SCARF2: variants seen among roughly 807,000 people sequenced by gnomAD.
SCARF2 encodes the protein scavenger receptor class F member 2.
Under a neutral mutation model 73.4 loss-of-function variants are expected in SCARF2, and 39 were observed. The observed-to-expected ratio is 0.53, with a 90% confidence interval of 0.41 to 0.69. SCARF2 has a LOEUF of 0.69. SCARF2 is among the 30% of genes least tolerant of loss of function. The probability of loss-of-function intolerance (pLI) is 0.00; values close to 1 mark genes in which losing one functional copy is unlikely to be tolerated. For synonymous variants in SCARF2, 605 were observed against 590.0 expected (o/e 1.03, Z -0.37); for missense variants, 1,148 against 1,303.5 (o/e 0.88, Z 1.84).
rs2052647094 is a variant in SCARF2 at position 20,431,484 on chromosome 22, G to T, written c.388C>A (p.Pro130Thr). Residue 130 changes from proline to threonine, a missense_variant, in exon 4 of 11, where the codon CCA becomes ACA. Pro to Thr is a conservative substitution (Grantham distance 38). Transcript: ENST00000622235. ...PDCKELCSCHPHGQCEDVTGQ... is the reference protein window; with the variant it reads ...PDCKELCSCHTHGQCEDVTGQ... ...GTCACGTCCTCGCACTGCCCGTGTGGGTGGCAGCTACACAGCTCCTTGCAG... is the reference window on the plus strand; with the variant it reads ...GTCACGTCCTCGCACTGCCCGTGTGTGTGGCAGCTACACAGCTCCTTGCAG... 2 of 1,573,840 alleles carry T rather than the reference G, an allele frequency of 1.3e-6. No homozygotes were observed. The highest frequency in any genetic ancestry group is 1.7e-6 in the Non-Finnish European group (2 of 1,168,550).
In SCARF2 at chr22:20,437,600, T is replaced by A. The variant is rs766883474; in HGVS notation, c.155A>T (p.Asn52Ile). 1 of 1,573,364 alleles carries A rather than the reference T, an allele frequency of 6.4e-7. No individual in the cohort carries two copies. Among genetic ancestry groups the A allele is most frequent in the Admixed American group, 1.7e-5 (1 of 57,334 alleles). The change falls in exon 1 of 11, where the codon AAC becomes ATC. Residue 52 changes from asparagine (N) to isoleucine (I), a missense_variant. Coordinates refer to ENST00000622235, the MANE Select transcript of SCARF2 (RefSeq NM_182895.5). ...CTCCTACCCGGGAGCACGGCACACG[T>A]TGCGGCCGCGAGGGTTCAGTTCCTG... Reference protein sequence around the residue: ...APQELNPRGRNVCRAPGSQVP... With the variant: ...APQELNPRGRIVCRAPGSQVP...
chr22:20,429,211 G>T lies in SCARF2; in HGVS notation c.1540+14C>A. ...GAGGTGTTTCTCCCAGATACCCCGC[G>T]CTGTCATCCTTACCTACGACTTTGG... is the stretch of plus-strand genomic sequence containing the variant. On this transcript the variant is annotated intron_variant, in intron 9 of 10. Coordinates refer to ENST00000622235, the MANE Select transcript of SCARF2 (RefSeq NM_182895.5). The surrounding 1 kb of genome is among the most constrained non-coding windows in gnomAD (Gnocchi z 5.2). 6.2e-7 allele frequency: 1 copy of T among 1,613,966 alleles called. No individual in the cohort carries two copies. The highest frequency in any genetic ancestry group is 8.5e-7 in the Non-Finnish European group (1 of 1,180,006).
Position 20,431,261 on chromosome 22 carries a change from G to A in SCARF2, c.611C>T (p.Ala204Val), listed in dbSNP as rs1189078292. Residue 204 changes from alanine to valine, a missense_variant, in exon 4 of 11, where the codon GCA becomes GTA. Around this residue, in one of 5 missense-constraint regions of SCARF2, gnomAD observed 372 missense variants for 532.0 expected, o/e 0.70. Coordinates refer to ENST00000622235, the MANE Select transcript of SCARF2 (RefSeq NM_182895.5). ...DPQTGACLCH[A>V]GWWGRSCNNQ... The stretch of plus-strand genomic sequence containing the variant: ...GTTGCAGCTGCGGCCCCACCAGCCT[G>A]CGTGGCACAGGCAGGCGCCGGTCTG... The A allele has an allele frequency of 2.6e-6, 4 of 1,547,258 alleles. No individual in the cohort carries two copies. The highest frequency in any genetic ancestry group is 3.5e-6 in the Non-Finnish European group (4 of 1,154,756).
intron 10 of SCARF2, among the ~76,000 whole-genome samples, chr22:20,427,061 A>G (rs147438789): frequency 6.6e-6 from 1 of 152,200 alleles, no homozygotes; most frequent in African/African-American, 2.4e-5. Context: ...TCTGTGGATC[A>G]AAGGCTGTGT....
rs757621917 is a variant in SCARF2, at chr22:20,429,275, A to G, written c.1490T>C (p.Met497Thr). 8.1e-6 allele frequency: 13 copies of G among 1,609,414 alleles called. No individual in the cohort carries two copies. In the Admixed American group the frequency reaches 1.5e-4, roughly 19 times the overall value. Reference sequence around the variant, plus strand: ...CCGGAGCGGGATCCGGGGCAGCTTCATGCTGATGCGACTGAAGCGCCCGCA... The same window carrying G: ...CCGGAGCGGGATCCGGGGCAGCTTCGTGCTGATGCGACTGAAGCGCCCGCA... Reference protein sequence around the residue: ...RLCGRFSRISMKLPRIPLRRQ... With the variant: ...RLCGRFSRISTKLPRIPLRRQ... Residue 497 changes from methionine to threonine, a missense_variant, in exon 9 of 11, where the codon ATG becomes ACG. Transcript: ENST00000622235. The surrounding 1 kb of genome is among the most constrained non-coding windows in gnomAD (Gnocchi z 5.2).
intron 9 of SCARF2, among the ~76,000 whole-genome samples, chr22:20,428,396 C>G (rs1292486830): frequency 6.6e-6 from 1 of 150,502 alleles, no homozygotes; most frequent in Non-Finnish European, 1.5e-5. Context: ...CCTCTGCCTC[C>G]CAGGTTCAAG....
chr22:20,430,985 C>T (rs1346692875), intron 4 of SCARF2, 33 bp downstream of exon 4: 1 of 1,569,132 alleles, frequency 6.4e-7, no homozygotes, highest in Non-Finnish European at 8.6e-7. Flanking sequence ...GCCCTTCCAC[C>T]TCCTCCCTCC....
At chr22:20,436,380 C>A (rs1197465246) in intron 1 of SCARF2, among the ~76,000 whole-genome samples, 2 of 152,140 alleles carry the variant, frequency 1.3e-5, no homozygotes, top group Non-Finnish European at 2.9e-5. Context: ...CCTCTCCAGG[C>A]ACCGCCCCGC....
intron 1 of SCARF2, among the ~76,000 whole-genome samples, chr22:20,436,478 G>A (rs563996735): frequency 6.3e-4 from 96 of 152,144 alleles, no homozygotes; most frequent in African/African-American, 2.2e-3. Context: ...GGGCCAGGCC[G>A]GCCCCCGCCC....
chr22:20,425,247 C>A lies in SCARF2; in HGVS notation c.*128G>T. 1 of 773,564 alleles carries A rather than the reference C, an allele frequency of 1.3e-6. No homozygotes were observed. The highest frequency in any genetic ancestry group is 1.8e-6 in the Non-Finnish European group (1 of 553,504). The allele number at this position is 773,564 out of a possible 1,614,324, so 47.9% of individuals were successfully genotyped here. A position where few individuals can be genotyped will look rare whatever the true frequency, so the allele number is the denominator to read the frequency against. On this transcript the variant is annotated 3_prime_UTR_variant, in exon 11 of 11. Transcript: ENST00000622235. This position sits in a 1 kb window ranked among gnomAD's most constrained non-coding sequence, Gnocchi z 4.6. ...GGCTGCAGGACCTGAGCCAATGAGA[C>A]GCAACCTCCGCTAGCCGCGCGGTGC...
At position 20,430,695 on chromosome 22, in the gene SCARF2, G is replaced by A; in HGVS notation, c.1068C>T (p.Gly356=). The change falls in exon 5 of 11, where the codon GGC becomes GGT. Residue 356 remains glycine (G), a synonymous_variant. Transcript: ENST00000622235. ...KCTRCNAGWI[G]DRCETKCSNG... ...ACGCAGGCAGGGCTGCTCACCGGTC[G>A]CCGATCCAGCCCGCGTTGCAGCGCG... 1 of 1,598,692 alleles carries A rather than the reference G, an allele frequency of 6.3e-7. No individual in the cohort carries two copies. Among genetic ancestry groups the A allele is most frequent in the Non-Finnish European group, 8.5e-7 (1 of 1,173,360 alleles).
In SCARF2 at chr22:20,425,573, C is replaced by T; in HGVS notation, c.2403G>A (p.Gln801=). ...CTGGCGGCACGGAGCGCTTGGCTTT[C>T]TGTGGGGGCGCCGGCTTTTCCCTGG... The part of the protein sequence containing the change: ...QGPREKPAPP[Q]KAKRSVPPAS... The change falls in exon 11 of 11, where the codon CAG becomes CAA. Residue 801 remains glutamine, a synonymous_variant. Coordinates refer to ENST00000622235, the MANE Select transcript of SCARF2 (RefSeq NM_182895.5). The surrounding 1 kb of genome is among the most constrained non-coding windows in gnomAD (Gnocchi z 4.6). 4 of 1,342,424 alleles carry T rather than the reference C, an allele frequency of 3.0e-6. No individual in the cohort carries two copies. Among genetic ancestry groups the T allele is most frequent in the Non-Finnish European group, 2.9e-6 (3 of 1,051,208 alleles). The allele number at this position is 1,342,424 out of a possible 1,614,324, so 83.2% of individuals were successfully genotyped here. A position where few individuals can be genotyped will look rare whatever the true frequency, so the allele number is the denominator to read the frequency against.
chr22:20,426,237 G>A lies in SCARF2; in HGVS notation c.1739C>T (p.Ala580Val), dbSNP rs1453982319. 81 of 1,536,072 alleles carry A rather than the reference G, an allele frequency of 5.3e-5. No individual in the cohort carries two copies. The highest frequency in any genetic ancestry group is 6.9e-5 in the Non-Finnish European group (79 of 1,147,320). The change falls in exon 11 of 11, where the codon GCC becomes GTC. Residue 580 changes from alanine (A) to valine (V), a missense_variant. Coordinates refer to ENST00000622235, the MANE Select transcript of SCARF2 (RefSeq NM_182895.5). ...SRDPEVPTVPAEAPAPSPVPL... is the reference protein window; with the variant it reads ...SRDPEVPTVPVEAPAPSPVPL... The stretch of plus-strand genomic sequence containing the variant: ...CACAGGGGACGGCGCCGGCGCCTCG[G>A]CAGGGACAGTGGGGACTTCGGGGTC...
chr22:20,431,262 C>A lies in SCARF2; in HGVS notation c.610G>T (p.Ala204Ser), dbSNP rs750227177. The A allele has an allele frequency of 6.5e-6, 10 of 1,546,282 alleles. No individual in the cohort carries two copies. Among genetic ancestry groups the A allele is most frequent in the African/African-American group, 1.4e-5 (1 of 73,218 alleles). ...DPQTGACLCHAGWWGRSCNNQ... is the reference protein window; with the variant it reads ...DPQTGACLCHSGWWGRSCNNQ... ...TTGCAGCTGCGGCCCCACCAGCCTGCGTGGCACAGGCAGGCGCCGGTCTGT... is the reference window on the plus strand; with the variant it reads ...TTGCAGCTGCGGCCCCACCAGCCTGAGTGGCACAGGCAGGCGCCGGTCTGT... Residue 204 changes from alanine to serine, a missense_variant, in exon 4 of 11, where the codon GCA becomes TCA. Physicochemically the swap from Ala to Ser is moderately conservative, Grantham distance 99. This residue lies in a region of SCARF2 where 372 missense variants were observed against 532.0 expected (regional missense o/e 0.70). Transcript: ENST00000622235.
rs751614180 is a variant in SCARF2 at position 20,429,691 on chromosome 22, C to T, written c.1307-38G>A. 3 of 1,614,000 alleles carry T rather than the reference C, an allele frequency of 1.9e-6. No homozygotes were observed. The South Asian group carries it at 3.3e-5, about 18-fold the overall frequency. ...ATGGGGTCAGCGCGGTTTCTGGCAC[C>T]CCCTGCATTCCTTAACGGGACGCCC... On this transcript the variant is annotated intron_variant, in intron 7 of 10. Coordinates refer to ENST00000622235, the MANE Select transcript of SCARF2 (RefSeq NM_182895.5). This position sits in a 1 kb window ranked among gnomAD's most constrained non-coding sequence, Gnocchi z 5.2.
At chr22:20,435,737 C>T (rs2052692803) in intron 1 of SCARF2, among the ~76,000 whole-genome samples, 1 of 152,254 alleles carries the variant, frequency 6.6e-6, no homozygotes, top group Non-Finnish European at 1.5e-5. Context: ...AAACAGCACT[C>T]CCCAACCCAA....
At chr22:20,431,681 G>A in intron 3 of SCARF2, 64 bp downstream of exon 3, 1 of 1,517,450 alleles carries the variant, frequency 6.6e-7, no homozygotes, top group African/African-American at 1.4e-5. Flanking sequence ...CCCCACCTTG[G>A]ACCCCGCCCC....
Position 20,431,202 on chromosome 22 carries a change from G to T in SCARF2, c.670C>A (p.Gln224Lys), listed in dbSNP as rs759718312. The T allele has an allele frequency of 3.8e-6, 6 of 1,561,584 alleles. No homozygotes were observed. The African/African-American group carries it at 5.4e-5, about 14-fold the overall frequency. ...CGGCACTGACAGCGGCCGCTCTGCT[G>T]CTCGCAGGGAGACGAGTTGCAGGCG... is the stretch of plus-strand genomic sequence containing the variant. ...QCACNSSPCE[Q>K]QSGRCQCRER... Residue 224 changes from glutamine to lysine, a missense_variant, in exon 4 of 11, where the codon CAG (glutamine) becomes AAG (lysine). This residue lies in a region of SCARF2 where 372 missense variants were observed against 532.0 expected (regional missense o/e 0.70). Transcript: ENST00000622235.
In SCARF2 at chr22:20,429,322, C is replaced by T. The variant is rs758342792; in HGVS notation, c.1443G>A (p.Arg481=). The change falls in exon 9 of 11, where the codon AGG becomes AGA. Residue 481 remains arginine (R), a synonymous_variant. Transcript: ENST00000622235. This position sits in a 1 kb window ranked among gnomAD's most constrained non-coding sequence, Gnocchi z 5.2. The part of the protein sequence containing the change: ...DPTRRELSLG[R]KKAPHRLCGR... ...CGCATAGTCGGTGCGGCGCCTTCTT[C>T]CTCCCAAGCGAAAGCTCCCTGCGGG... 14 of 1,612,726 alleles carry T rather than the reference C, an allele frequency of 8.7e-6. No homozygotes were observed. The highest frequency in any genetic ancestry group is 1.0e-5 in the Non-Finnish European group (12 of 1,179,744).
Sources: gnomAD v4.1 joint callset for allele counts (sites outside exome capture counted in the v4.1 genomes callset) on GRCh38, gnomAD v4.1.1 for gene constraint, gnomAD v4.1.1 regional missense constraint, Gnocchi (gnomAD v3.1) non-coding constraint, MANE v1.5 for transcripts, NCBI Gene and HGNC (gene_info 2026-07-23, HGNC 2026-07-21) for gene names.